Variants in LYST observed in about 807,000 individuals in gnomAD.
LYST encodes lysosomal-trafficking regulator.
LYST carries 192 observed loss-of-function variants against 413.6 expected under a neutral mutation model. The observed-to-expected ratio is 0.46, with a 90% CI of 0.41 to 0.52. LYST has a LOEUF of 0.52. Among genes scored for constraint, LYST ranks in the 20% least tolerant of loss-of-function variants. The probability of loss-of-function intolerance (pLI) is 0.00; values close to 1 mark genes in which losing one functional copy is unlikely to be tolerated. For missense variants in LYST, 3,815 were observed against 4,499.9 expected (o/e 0.85, Z 4.35); for synonymous variants, 1,525 against 1,567.3 (o/e 0.97, Z 0.64).
chr1:235,861,378 C>T (rs971637900), intron 1 of LYST, among the ~76,000 whole-genome samples: 12 of 152,254 alleles, frequency 7.9e-5, no homozygotes, highest in African/African-American at 2.6e-4. Context: ...CATTTCCAAA[C>T]GTATTGGACC....
At chr1:235,796,587 T>C (rs187772450) in intron 10 of LYST, among the ~76,000 whole-genome samples, 20 of 152,262 alleles carry the variant, frequency 1.3e-4, no homozygotes, top group Non-Finnish European at 2.4e-4. Context: ...ATTGTGGTAG[T>C]GTTAAGAGAT....
At chr1:235,774,218 G>T (rs1668995962) in intron 18 of LYST, among the ~76,000 whole-genome samples, 1 of 152,038 alleles carries the variant, frequency 6.6e-6, no homozygotes, top group Non-Finnish European at 1.5e-5. Flanking sequence ...TTCAAACAAG[G>T]GGTGAAAACA....
chr1:235,840,993 CAAG>C lies in LYST; in HGVS notation c.-97-7329_-97-7327del, dbSNP rs994515500. 8.5e-5 allele frequency among the ~76,000 whole-genome samples: 13 copies of C among 152,276 alleles called. No individual in the cohort carries two copies. The East Asian group carries it at 1.3e-3, about 16-fold the overall frequency. On this transcript the variant is annotated intron_variant, in intron 1 of 52. Transcript: ENST00000389793. The stretch of plus-strand genomic sequence containing the variant: ...GGTACTGTCACCTGCGAAGAACACA[CAAG>C]AAGAACTGAGGCACGTGTGCAGAGT...
At chr1:235,744,981 T>C (rs1335506423) in intron 29 of LYST, among the ~76,000 whole-genome samples, 1 of 152,094 alleles carries the variant, frequency 6.6e-6, no homozygotes, top group Non-Finnish European at 1.5e-5. Context: ...GTTTTTCTAG[T>C]CATTAACAAT....
intron 10 of LYST, among the ~76,000 whole-genome samples, chr1:235,798,575 TC>T (rs1671820336): frequency 1.7e-4 from 6 of 36,146 alleles, no homozygotes; most frequent in Non-Finnish European, 2.2e-4. Context: ...CAAAACCCTG[TC>T]ATAAAAAAAA....
intron 44 of LYST, among the ~76,000 whole-genome samples, chr1:235,704,377 T>C (rs1447714091): frequency 2.0e-5 from 3 of 152,232 alleles, no homozygotes; most frequent in Non-Finnish European, 4.4e-5. Flanking sequence ...CCTCCAACAG[T>C]GTACAAGTGT....
intron 1 of LYST, among the ~76,000 whole-genome samples, chr1:235,850,596 CAGAATT>C (rs1472330766): frequency 6.6e-6 from 1 of 152,142 alleles, no homozygotes; most frequent in Non-Finnish European, 1.5e-5. Flanking sequence ...AAACAACCCA[CAGAATT>C]GGGAGAAAAT....
chr1:235,744,915 A>G (rs1011409350), intron 29 of LYST, among the ~76,000 whole-genome samples: 6 of 150,678 alleles, frequency 4.0e-5, no homozygotes, highest in Admixed American at 4.0e-4. Context: ...AAAAAAAAAA[A>G]GAGAGAAAGA....
intron 47 of LYST, among the ~76,000 whole-genome samples, chr1:235,687,321 T>C (rs936787906): frequency 1.3e-5 from 2 of 152,192 alleles, no homozygotes; most frequent in Non-Finnish European, 2.9e-5. Context: ...TGTGGATATA[T>C]GTGTATATAT....
At chr1:235,802,193 CAAA>C (rs35511208) in intron 8 of LYST, among the ~76,000 whole-genome samples, 16 of 45,072 alleles carry the variant, frequency 3.5e-4, no homozygotes, top group African/African-American at 1.2e-3. Context: ...GACTCCATTT[CAAA>C]AAAAAAAAAA....
chr1:235,681,337 G>A (rs1000473076), intron 48 of LYST, among the ~76,000 whole-genome samples: 8 of 152,186 alleles, frequency 5.3e-5, no homozygotes, highest in Non-Finnish European at 8.8e-5. Flanking sequence ...AGGAAGAAAC[G>A]TGGTGGTGAG....
At chr1:235,826,743 C>T (rs1311531477) in intron 3 of LYST, among the ~76,000 whole-genome samples, 4 of 152,152 alleles carry the variant, frequency 2.6e-5, no homozygotes, top group African/African-American at 9.7e-5. Flanking sequence ...TGCAGTGGCA[C>T]GACCATGGCT....
rs1339238973 is a variant in LYST at position 235,801,017 on chromosome 1, C to T, written c.3793G>A (p.Glu1265Lys). The T allele has an allele frequency of 3.7e-6, 6 of 1,613,578 alleles. No individual in the cohort carries two copies. Among genetic ancestry groups the T allele is most frequent in the Non-Finnish European group, 5.1e-6 (6 of 1,179,748 alleles). Reference protein sequence around the residue: ...NDLLENLTQGEIIYPEICMLE... With the variant: ...NDLLENLTQGKIIYPEICMLE... ...ATACAAATCTCAGGATAAATTATTT[C>T]CCCTTGAGTGAGGTTTTCGAGTAAG... Residue 1265 changes from glutamate to lysine, a missense_variant, in exon 9 of 53, where the codon GAA becomes AAA. Physicochemically the swap from Glu to Lys is moderately conservative, Grantham distance 56. This residue lies in a region of LYST where 1,648 missense variants were observed against 1,810.3 expected (regional missense o/e 0.91). Coordinates refer to ENST00000389793, the MANE Select transcript of LYST (RefSeq NM_000081.4).
intron 14 of LYST, among the ~76,000 whole-genome samples, chr1:235,783,876 CTTTTT>C (rs974877871): frequency 9.7e-6 from 1 of 102,698 alleles, no homozygotes; most frequent in Non-Finnish European, 1.8e-5. Context: ...TTTAGAAATT[CTTTTT>C]TTTTTTCTTT....
chr1:235,758,120 A>AT (rs928120609), intron 23 of LYST, among the ~76,000 whole-genome samples: 8 of 152,088 alleles, frequency 5.3e-5, no homozygotes, highest in African/African-American at 1.9e-4. Context: ...GTGAAAGGAG[A>AT]TTTTTTTCAT....
intron 25 of LYST, among the ~76,000 whole-genome samples, chr1:235,755,107 A>AGC (rs1666885660): frequency 7.5e-5 from 10 of 132,752 alleles, no homozygotes; most frequent in Non-Finnish European, 1.4e-4. Context: ...AAAAAAAAAA[A>AGC]AGCCAGGCAT....
chr1:235,709,683 C>G (rs1662248679), intron 43 of LYST, among the ~76,000 whole-genome samples: 1 of 150,126 alleles, frequency 6.7e-6, no homozygotes, highest in Non-Finnish European at 1.5e-5. Context: ...TAGAATCAAA[C>G]TAAGGCTTTG....
Position 235,755,576 on chromosome 1 carries a change from G to A in LYST, c.7131C>T (p.Ser2377=), listed in dbSNP as rs755805539. Residue 2377 remains serine (S), a synonymous_variant, in exon 25 of 53, where the codon TCC becomes TCT. Coordinates refer to ENST00000389793, the MANE Select transcript of LYST (RefSeq NM_000081.4). Reference sequence around the variant, plus strand: ...GAAGATACAACTGGTTGGCTAGCAAGGAAAATCCACGATTCTTCAGAAATT... The same window carrying A: ...GAAGATACAACTGGTTGGCTAGCAAAGAAAATCCACGATTCTTCAGAAATT... The part of the protein sequence containing the change: ...KDKFLKNRGF[S]LLANQLYLHR... 1.2e-6 allele frequency: 2 copies of A among 1,613,314 alleles called. No individual in the cohort carries two copies. Among genetic ancestry groups the A allele is most frequent in the Non-Finnish European group, 1.7e-6 (2 of 1,179,366 alleles).
intron 28 of LYST, among the ~76,000 whole-genome samples, chr1:235,750,962 T>C (rs1172250520): frequency 1.3e-5 from 2 of 152,212 alleles, no homozygotes; most frequent in Admixed American, 1.3e-4. Flanking sequence ...AGAATCTGTG[T>C]CTGTTTTTTT....
Sources: allele counts gnomAD v4.1 joint callset (sites outside exome capture counted in the v4.1 genomes callset), GRCh38; gene constraint gnomAD v4.1.1; regional missense constraint gnomAD v4.1.1; transcripts MANE v1.5; gene names NCBI Gene and HGNC (gene_info 2026-07-23, HGNC 2026-07-21).